The following SH3TC2 variants were observed in gnomAD, a reference collection of about 807,000 sequenced individuals.
SH3TC2 encodes the protein SH3 domain and tetratricopeptide repeats 2, also known as SH3 domain and tetratricopeptide repeat-containing protein 2.
In SH3TC2, 87 loss-of-function variants were observed where a neutral mutation model predicts 124.5. The observed-to-expected ratio is 0.70, with a 90% confidence interval of 0.59 to 0.84. The LOEUF (loss-of-function observed/expected upper bound fraction) is 0.84. SH3TC2 is among the 40% of genes least tolerant of loss of function. The pLI, the probability that SH3TC2 is intolerant of heterozygous loss-of-function variation, is 0.00. For missense variants in SH3TC2, 1,536 were observed against 1,566.4 expected, an observed-to-expected ratio of 0.98 and a Z score of 0.33; for synonymous variants, 634 against 628.5, an observed-to-expected ratio of 1.01 and a Z score of -0.13.
Position 148,991,975 on chromosome 5 carries a change from T to C in SH3TC2, c.*12736A>G, listed in dbSNP as rs1267636557. 6.6e-6 allele frequency among the ~76,000 whole-genome samples: 1 copy of C among 152,178 alleles called. No homozygotes were observed. The highest frequency in any genetic ancestry group is 2.4e-5 in the African/African-American group (1 of 41,426). ...AACCCTAACATGTGTTGGGTGACCA[T>C]GGGTAAGGCTTTCCCTTTTCTGGTT... On this transcript the variant is annotated 3_prime_UTR_variant, in exon 17 of 17. Coordinates refer to ENST00000515425, the MANE Select transcript of SH3TC2 (RefSeq NM_024577.4).
In SH3TC2 at chr5:148,994,176, T is replaced by C. The variant is rs1318197563; in HGVS notation, c.*10535A>G. ...AAATTTCAGCTGAGGTTTTATGCAA[T>C]ACTTGCAATATAGATAAGGCTTGGA... On this transcript the variant is annotated 3_prime_UTR_variant, in exon 17 of 17. Coordinates refer to ENST00000515425, the MANE Select transcript of SH3TC2 (RefSeq NM_024577.4). Among the ~76,000 whole-genome samples the C allele has an allele frequency of 6.6e-6, 1 of 152,214 alleles. No individual in the cohort carries two copies. The highest frequency in any genetic ancestry group is 1.5e-5 in the Non-Finnish European group (1 of 68,046).
At chr5:149,032,448 T>C (rs1754213119) in intron 8 of SH3TC2, among the ~76,000 whole-genome samples, 1 of 152,232 alleles carries the variant, frequency 6.6e-6, no homozygotes, top group South Asian at 2.1e-4. Flanking sequence ...TGCATCTATC[T>C]AAACAATTTT....
Position 148,983,175 on chromosome 5 carries a change from T to C in SH3TC2, c.*21536A>G, listed in dbSNP as rs530227186. 2.6e-5 allele frequency among the ~76,000 whole-genome samples: 4 copies of C among 152,402 alleles called. No homozygotes were observed. The South Asian group carries it at 8.3e-4, about 32-fold the overall frequency. On this transcript the variant is annotated 3_prime_UTR_variant, in exon 17 of 17. Transcript: ENST00000515425. ...TAAAGCACATGCTGTATAAAACATGTCCTGTTAAAAGCATTTTGAGTACAG... is the reference window on the plus strand; with the variant it reads ...TAAAGCACATGCTGTATAAAACATGCCCTGTTAAAAGCATTTTGAGTACAG...
At chr5:149,062,945 G>T (rs1754779447) in intron 1 of SH3TC2, 26 bp downstream of exon 1, 1 of 1,571,572 alleles carries the variant, frequency 6.4e-7, no homozygotes, top group Admixed American at 1.8e-5. Context: ...CCAAGCCACA[G>T]GCCAAGGGCC....
intron 3 of SH3TC2, chr5:149,046,511 T>G (rs2127401942): frequency 6.6e-6 from 1 of 152,338 alleles, no homozygotes; most frequent in South Asian, 2.1e-4. Flanking sequence ...CATTTTATAA[T>G]CAATGGCATC....
intron 9 of SH3TC2, among the ~76,000 whole-genome samples, chr5:149,029,011 C>G (rs978691132): frequency 8.2e-6 from 1 of 122,486 alleles, no homozygotes; most frequent in African/African-American, 3.3e-5. Context: ...GGTATGGGTA[C>G]TGTAGGGGGG....
At chr5:149,018,792 A>G (rs1369621510) in intron 12 of SH3TC2, among the ~76,000 whole-genome samples, 2 of 152,198 alleles carry the variant, frequency 1.3e-5, no homozygotes, top group Non-Finnish European at 2.9e-5. Flanking sequence ...CTCCATGGCT[A>G]CTGCTATTCC....
At position 148,993,118 on chromosome 5, in the gene SH3TC2, C is replaced by T. The variant is rs886060129; in HGVS notation, c.*11593G>A. 1.3e-5 allele frequency among the ~76,000 whole-genome samples: 2 copies of T among 152,204 alleles called. No individual in the cohort carries two copies. Among genetic ancestry groups the T allele is most frequent in the Non-Finnish European group, 1.5e-5 (1 of 68,038 alleles). ...TTAAGGTGATTAGGCATTTGTCCCTCACCGTTTCGATTGAAATAATCAGTT... is the reference window on the plus strand; with the variant it reads ...TTAAGGTGATTAGGCATTTGTCCCTTACCGTTTCGATTGAAATAATCAGTT... On this transcript the variant is annotated 3_prime_UTR_variant, in exon 17 of 17. Coordinates refer to ENST00000515425, the MANE Select transcript of SH3TC2 (RefSeq NM_024577.4).
intron 2 of SH3TC2, among the ~76,000 whole-genome samples, chr5:149,048,508 C>G (rs1218670401): frequency 6.6e-6 from 1 of 152,212 alleles, no homozygotes. Flanking sequence ...TTTTCTGATA[C>G]TGCAATTATT....
Position 149,008,879 on chromosome 5 carries a change from G to A in SH3TC2, c.3450C>T (p.Thr1150=). The change falls in exon 15 of 17, where the codon ACC becomes ACT. Residue 1150 remains threonine (T), a synonymous_variant. Transcript: ENST00000515425. ...EGYEKALEFA[T]LAARLSTVTG... ...TGACTGTGCTGAGCCTGGCGGCCAG[G>A]GTGGCAAATTCCAAAGCCTTCTCAT... The A allele has an allele frequency of 1.9e-6, 3 of 1,614,164 alleles. No homozygotes were observed. Among genetic ancestry groups the A allele is most frequent in the Non-Finnish European group, 2.5e-6 (3 of 1,180,044 alleles).
rs1753459223 is a variant in SH3TC2, at chr5:148,993,785, T to A, written c.*10926A>T. Among the ~76,000 whole-genome samples the A allele has an allele frequency of 6.6e-6, 1 of 152,210 alleles. No homozygotes were observed. The highest frequency in any genetic ancestry group is 1.5e-5 in the Non-Finnish European group (1 of 68,044). ...GAATAGCCAAGCATCTAGCCCAGAT[T>A]ACATTCCTCTAAGCATGCCTTAACC... On this transcript the variant is annotated 3_prime_UTR_variant, in exon 17 of 17. Transcript: ENST00000515425.
chr5:149,038,378 C>T lies in SH3TC2; in HGVS notation c.918G>A (p.Gln306=). 1 of 1,614,244 alleles carries T rather than the reference C, an allele frequency of 6.2e-7. No homozygotes were observed. The highest frequency in any genetic ancestry group is 1.3e-5 in the African/African-American group (1 of 75,062). ...EIIGFVIPGL[Q]WFIGKSTSSG... ...AACTTGTCGACTTTCCAATGAACCA[C>T]TGAAGCCCAGGTATGACAAAGCCGA... The change falls in exon 8 of 17, where the codon CAG becomes CAA. Residue 306 remains glutamine (Q), a synonymous_variant. Transcript: ENST00000515425.
chr5:149,010,170 A>G, intron 14 of SH3TC2, 100 bp downstream of exon 14: 2 of 1,528,966 alleles, frequency 1.3e-6, no homozygotes, highest in Middle Eastern at 2.2e-4. Flanking sequence ...AATGAAATAC[A>G]AGCAAGAGAG....
intron 7 of SH3TC2, among the ~76,000 whole-genome samples, chr5:149,039,423 G>C (rs1411623567): frequency 3.3e-5 from 5 of 152,270 alleles, no homozygotes; most frequent in African/African-American, 1.2e-4. Context: ...ATTAATCCTG[G>C]TGGAGATAAA....
chr5:149,012,127 T>C (rs1753793547), intron 13 of SH3TC2, among the ~76,000 whole-genome samples: 1 of 152,102 alleles, frequency 6.6e-6, no homozygotes, highest in Non-Finnish European at 1.5e-5. Flanking sequence ...GCCCAGGCTT[T>C]TAACCACTAC....
At chr5:149,028,897 C>G (rs1754133123) in intron 9 of SH3TC2, among the ~76,000 whole-genome samples, 179 bp from the exon 10 acceptor site, 1 of 152,008 alleles carries the variant, frequency 6.6e-6, no homozygotes, top group Non-Finnish European at 1.5e-5. Context: ...CTGTAGGGGC[C>G]TAATCATCTT....
intron 1 of SH3TC2, among the ~76,000 whole-genome samples, chr5:149,057,165 T>C (rs3095947): frequency 0.25 from 37,948 of 152,136 alleles, 5,413 homozygotes; most frequent in African/African-American, 0.37. Context: ...ATATTAATAC[T>C]TTAATCTACT....
chr5:149,036,667 C>G (rs892472900), intron 8 of SH3TC2, among the ~76,000 whole-genome samples: 1 of 152,166 alleles, frequency 6.6e-6, no homozygotes, highest in African/African-American at 2.4e-5. Context: ...CTGGGGTCCT[C>G]TGTTCCCCCT....
chr5:149,010,172 G>C, intron 14 of SH3TC2, 98 bp downstream of exon 14: 1 of 1,529,664 alleles, frequency 6.5e-7, no homozygotes, highest in Non-Finnish European at 9.0e-7. Context: ...TGAAATACAA[G>C]CAAGAGAGGA....
Sources: allele counts gnomAD v4.1 joint callset (sites outside exome capture counted in the v4.1 genomes callset), GRCh38; gene constraint gnomAD v4.1.1; transcripts MANE v1.5; gene names NCBI Gene and HGNC (gene_info 2026-07-23, HGNC 2026-07-21).